Variants in MYRIP observed in about 807,000 individuals in gnomAD.
The protein encoded by MYRIP is myosin VIIA and Rab interacting protein.
In MYRIP, 49 loss-of-function variants were observed where a neutral mutation model predicts 98.0. The observed-to-expected ratio is 0.50, with a 90% CI of 0.40 to 0.63. The LOEUF (loss-of-function observed/expected upper bound fraction) is 0.63, where lower values mean the gene tolerates loss of function less well. Ranked by LOEUF, MYRIP falls within the 30% of genes least tolerant of loss-of-function variation. MYRIP has a pLI of 0.00. For synonymous variants in MYRIP, 404 were observed against 409.5 expected, an observed-to-expected ratio of 0.99 and a Z score of 0.16; for missense variants, 1,004 against 1,058.2, an observed-to-expected ratio of 0.95 and a Z score of 0.71.
chr3:39,862,535 C>A (rs1942503611), intron 1 of MYRIP, among the ~76,000 whole-genome samples: 1 of 152,062 alleles, frequency 6.6e-6, no homozygotes, highest in Admixed American at 6.5e-5. Flanking sequence ...CCACTAAAGA[C>A]AAAAAAGTCA....
chr3:40,112,019 C>G (rs927022460), intron 3 of MYRIP, among the ~76,000 whole-genome samples: 9 of 152,108 alleles, frequency 5.9e-5, no homozygotes, highest in African/African-American at 2.2e-4. Context: ...ATGCTTGTTA[C>G]TTATTATTAA....
chr3:40,200,729 G>A (rs1184582304), intron 10 of MYRIP, among the ~76,000 whole-genome samples: 3 of 152,142 alleles, frequency 2.0e-5, no homozygotes, highest in Non-Finnish European at 4.4e-5. Context: ...TGGATAGCAA[G>A]TCATTCAGAG....
intron 2 of MYRIP, among the ~76,000 whole-genome samples, chr3:39,957,894 CACAG>C (rs1329228201): frequency 1.3e-5 from 2 of 152,104 alleles, no homozygotes; most frequent in Non-Finnish European, 2.9e-5. Flanking sequence ...AATAGACAAA[CACAG>C]AGCCAAATCA....
chr3:40,189,805 C>T (rs1450040201), intron 9 of MYRIP, 21 bp from the exon 10 acceptor site: 1 of 1,586,384 alleles, frequency 6.3e-7, no homozygotes, highest in South Asian at 1.1e-5. Context: ...TCTCTGCTTT[C>T]TCTATCCTCT....
rs1268339909 is a variant in MYRIP, at chr3:40,203,093, C to A, written c.1666-6761C>A. On this transcript the variant is annotated intron_variant, in intron 10 of 16. Coordinates refer to ENST00000302541, the MANE Select transcript of MYRIP (RefSeq NM_015460.4). ...TACAGGTGCATACAACCACACCCAG[C>A]TAATTTTTTTATATTTTTAGTAAAG... 2.6e-5 allele frequency among the ~76,000 whole-genome samples: 4 copies of A among 152,020 alleles called. No homozygotes were observed. The South Asian group carries it at 8.3e-4, about 32-fold the overall frequency.
intron 2 of MYRIP, among the ~76,000 whole-genome samples, chr3:39,999,099 A>G (rs1261252434): frequency 6.6e-6 from 1 of 152,222 alleles, no homozygotes; most frequent in Non-Finnish European, 1.5e-5. Flanking sequence ...AGGCAATACC[A>G]TTCAGGACAT....
At chr3:40,036,851 A>G (rs541531822) in intron 2 of MYRIP, among the ~76,000 whole-genome samples, 3 of 152,278 alleles carry the variant, frequency 2.0e-5, no homozygotes, top group South Asian at 2.1e-4. Context: ...CATTAAATCA[A>G]TAGCCATGTA....
intron 8 of MYRIP, among the ~76,000 whole-genome samples, chr3:40,172,834 C>G (rs1950646687): frequency 6.6e-6 from 1 of 152,204 alleles, no homozygotes; most frequent in Admixed American, 6.5e-5. Context: ...AACTCACCCA[C>G]TAGAACATTT....
chr3:39,855,795 T>G (rs1942270231), intron 1 of MYRIP, among the ~76,000 whole-genome samples: 1 of 152,152 alleles, frequency 6.6e-6, no homozygotes, highest in African/African-American at 2.4e-5. Context: ...TGGCAGCTCC[T>G]GCACTCCTGC....
intron 8 of MYRIP, among the ~76,000 whole-genome samples, chr3:40,179,590 A>G (rs1406038936): frequency 1.3e-5 from 2 of 152,216 alleles, no homozygotes; most frequent in African/African-American, 4.8e-5. Flanking sequence ...TTTAAAGGCC[A>G]GATACAGTAA....
chr3:39,823,177 G>A (rs756160372), intron 1 of MYRIP, among the ~76,000 whole-genome samples: 19 of 151,894 alleles, frequency 1.3e-4, no homozygotes, highest in African/African-American at 3.6e-4. Flanking sequence ...CTGCCACCAC[G>A]CCCAGCAAAT....
intron 2 of MYRIP, among the ~76,000 whole-genome samples, chr3:39,998,795 A>G (rs1946437743): frequency 6.6e-6 from 1 of 152,220 alleles, no homozygotes; most frequent in Admixed American, 6.5e-5. Flanking sequence ...AGGCTACAGT[A>G]ACCAAAACAG....
At chr3:40,075,831 C>T (rs544769403) in intron 3 of MYRIP, among the ~76,000 whole-genome samples, 5 of 152,160 alleles carry the variant, frequency 3.3e-5, no homozygotes, top group African/African-American at 1.2e-4. Flanking sequence ...GACTTGTCAT[C>T]TTCATTTTAC....
At chr3:39,879,511 C>A (rs1237558576) in intron 1 of MYRIP, among the ~76,000 whole-genome samples, 1 of 151,968 alleles carries the variant, frequency 6.6e-6, no homozygotes, top group Non-Finnish European at 1.5e-5. Context: ...TTTTTTAAGG[C>A]AGTTAAATCA....
At chr3:40,181,891 G>C (rs1411329513) in intron 8 of MYRIP, among the ~76,000 whole-genome samples, 2 of 152,120 alleles carry the variant, frequency 1.3e-5, no homozygotes, top group South Asian at 2.1e-4. Flanking sequence ...TTTCCACTTT[G>C]CATGCCCGAG....
chr3:39,846,912 G>C (rs1005622366), intron 1 of MYRIP, among the ~76,000 whole-genome samples: 3 of 152,140 alleles, frequency 2.0e-5, no homozygotes, highest in African/African-American at 7.2e-5. Flanking sequence ...AGCAAATTGT[G>C]CATATGAAAT....
intron 13 of MYRIP, among the ~76,000 whole-genome samples, chr3:40,245,554 C>T (rs1259695533): frequency 6.8e-6 from 1 of 147,104 alleles, no homozygotes; most frequent in African/African-American, 2.5e-5. Context: ...GAGACTGAGG[C>T]AGGAGAATGG....
chr3:40,070,398 T>C (rs1047793752), intron 3 of MYRIP, among the ~76,000 whole-genome samples: 3 of 152,194 alleles, frequency 2.0e-5, no homozygotes, highest in Non-Finnish European at 2.9e-5. Context: ...ATATTGACAT[T>C]GTTCATTTAT....
intron 3 of MYRIP, among the ~76,000 whole-genome samples, chr3:40,058,590 A>G (rs1947932740): frequency 6.6e-6 from 1 of 152,186 alleles, no homozygotes; most frequent in African/African-American, 2.4e-5. Context: ...TAAGAATGAG[A>G]TTACAAATAC....
Sources: allele counts gnomAD v4.1 joint callset (sites outside exome capture counted in the v4.1 genomes callset), GRCh38; gene constraint gnomAD v4.1.1; transcripts MANE v1.5; gene names NCBI Gene and HGNC (gene_info 2026-07-23, HGNC 2026-07-21).